The following PHF3 variants were observed in gnomAD, a reference collection of about 807,000 sequenced individuals.
PHF3 encodes PHD finger protein 3.
A neutral mutation model predicts 178.4 loss-of-function variants in PHF3; 41 were observed. The observed-to-expected ratio is 0.23, with a 90% CI of 0.18 to 0.30. The LOEUF is 0.30. Ranked by LOEUF, PHF3 falls within the 10% of genes least tolerant of loss-of-function variation. The pLI, the probability that PHF3 is intolerant of heterozygous loss-of-function variation, is 1.00. For missense variants in PHF3, 2,346 were observed against 2,398.1 expected (o/e 0.98, Z 0.45); for synonymous variants, 842 against 800.5 (o/e 1.05, Z -0.88).
intron 2 of PHF3, among the ~76,000 whole-genome samples, chr6:63,664,639 T>G (rs964418562): frequency 6.6e-6 from 1 of 152,134 alleles, no homozygotes; most frequent in African/African-American, 2.4e-5. Flanking sequence ...TTTCAAATTA[T>G]TAACTAAAAT....
chr6:63,687,734 G>C (rs1766778159), intron 4 of PHF3, among the ~76,000 whole-genome samples: 1 of 152,146 alleles, frequency 6.6e-6, no homozygotes, highest in Non-Finnish European at 1.5e-5. Context: ...GATGACTCAT[G>C]CTTCACCAAC....
At chr6:63,648,675 G>C (rs569966137) in intron 2 of PHF3, among the ~76,000 whole-genome samples, 84 of 152,014 alleles carry the variant, frequency 5.5e-4, no homozygotes, top group Admixed American at 9.2e-4. Context: ...TTTGAGATAC[G>C]ATTTATTATT....
chr6:63,703,394 A>C (rs1767558956), intron 10 of PHF3, 142 bp from the exon 11 acceptor site: 1 of 833,862 alleles, frequency 1.2e-6, no homozygotes, highest in Non-Finnish European at 1.8e-6. Context: ...AATAGTAAAA[A>C]AAAACCAAAA....
rs760538631 is a variant in PHF3, at chr6:63,724,178, A to T, written c.*10470A>T. Among the ~76,000 whole-genome samples, 4 of 152,164 alleles carry T rather than the reference A, an allele frequency of 2.6e-5. No individual in the cohort carries two copies. The highest frequency in any genetic ancestry group is 4.8e-5 in the African/African-American group (2 of 41,436). ...GAAACAGAGCTCAAATAGGATAAAGATCATAAATGAATTCACTTTGGCTAT... is the reference window on the plus strand; with the variant it reads ...GAAACAGAGCTCAAATAGGATAAAGTTCATAAATGAATTCACTTTGGCTAT... On this transcript the variant is annotated 3_prime_UTR_variant, in exon 16 of 16. Coordinates refer to ENST00000262043, the MANE Select transcript of PHF3 (RefSeq NM_001370348.2).
At chr6:63,679,546 A>G (rs1379161112) in intron 2 of PHF3, 2 of 171,708 alleles carry the variant, frequency 1.2e-5, no homozygotes, top group Non-Finnish European at 2.5e-5. Flanking sequence ...GCTTTCATAC[A>G]TGTAGCATAA....
intron 3 of PHF3, among the ~76,000 whole-genome samples, 157 bp downstream of exon 3, chr6:63,680,318 T>A (rs2149578206): frequency 6.6e-6 from 1 of 151,922 alleles, no homozygotes; most frequent in South Asian, 2.1e-4. Flanking sequence ...ATTTGTTGTA[T>A]AAGTTTTCAG....
chr6:63,720,567 T>G lies in PHF3; in HGVS notation c.*6859T>G. Reference sequence around the variant, plus strand: ...CTATCAAAATAACTGCATTTATGTATAGTGTGTACTAAAATCTCTAGTGTT... The same window carrying G: ...CTATCAAAATAACTGCATTTATGTAGAGTGTGTACTAAAATCTCTAGTGTT... On this transcript the variant is annotated 3_prime_UTR_variant, in exon 16 of 16. Coordinates refer to ENST00000262043, the MANE Select transcript of PHF3 (RefSeq NM_001370348.2). 2.8e-6 allele frequency: 4 copies of G among 1,411,170 alleles called. No homozygotes were observed. Among genetic ancestry groups the G allele is most frequent in the Non-Finnish European group, 3.8e-6 (4 of 1,061,796 alleles). The allele number at this position is 1,411,170 out of a possible 1,614,324, so 87.4% of individuals were successfully genotyped here. A position where few individuals can be genotyped will look rare whatever the true frequency, so the allele number is the denominator to read the frequency against.
intron 2 of PHF3, among the ~76,000 whole-genome samples, chr6:63,659,191 T>A (rs184732256): frequency 6.6e-6 from 1 of 152,194 alleles, no homozygotes; most frequent in Non-Finnish European, 1.5e-5. Context: ...TTAATTAATT[T>A]GATTTAGCCA....
rs1237741183 is a variant in PHF3 at position 63,722,855 on chromosome 6, C to A, written c.*9147C>A. Among the ~76,000 whole-genome samples, 1 of 152,192 alleles carries A rather than the reference C, an allele frequency of 6.6e-6. No homozygotes were observed. Among genetic ancestry groups the A allele is most frequent in the Non-Finnish European group, 1.5e-5 (1 of 68,028 alleles). ...TGGAATGTTTGGCAGCTCTATAGTT[C>A]TTCACCTATCAAACTACGTTCTCTA... On this transcript the variant is annotated 3_prime_UTR_variant, in exon 16 of 16. Transcript: ENST00000262043.
rs1055302568 is a variant in PHF3 at position 63,724,812 on chromosome 6, T to A, written c.*11104T>A. On this transcript the variant is annotated 3_prime_UTR_variant, in exon 16 of 16. Transcript: ENST00000262043. ...GGTTTTCAATATGTGAAAACCACAT[T>A]GGCTGCTTTTATTAAAATTTTTGGA... Among the ~76,000 whole-genome samples, 1 of 152,140 alleles carries A rather than the reference T, an allele frequency of 6.6e-6. No homozygotes were observed. Among genetic ancestry groups the A allele is most frequent in the African/African-American group, 2.4e-5 (1 of 41,448 alleles).
intron 4 of PHF3, among the ~76,000 whole-genome samples, chr6:63,688,710 C>A (rs188341548): frequency 6.6e-6 from 1 of 152,220 alleles, no homozygotes; most frequent in Admixed American, 6.5e-5. Context: ...TGCTTGTATA[C>A]ATTTCGTTTA....
rs149131563 is a variant in PHF3, at chr6:63,681,574, T to C, written c.406+1413T>C. Among the ~76,000 whole-genome samples the C allele has an allele frequency of 3.7e-3, 556 of 152,194 alleles. 3 individuals are homozygous for C. The highest frequency in any genetic ancestry group is 6.8e-3 in the Middle Eastern group (2 of 294). ...ACTTTTCAGTCAAGTTTTGTACTTCTGATTCTTAAATGTTCTTTTTGTTGT... is the reference window on the plus strand; with the variant it reads ...ACTTTTCAGTCAAGTTTTGTACTTCCGATTCTTAAATGTTCTTTTTGTTGT... On this transcript the variant is annotated intron_variant, in intron 3 of 15. Coordinates refer to ENST00000262043, the MANE Select transcript of PHF3 (RefSeq NM_001370348.2).
intron 2 of PHF3, among the ~76,000 whole-genome samples, chr6:63,654,294 A>G (rs1335709902): frequency 6.6e-6 from 1 of 152,220 alleles, no homozygotes; most frequent in African/African-American, 2.4e-5. Context: ...ATGGTTGAAC[A>G]TGAAAAATAC....
chr6:63,645,804 A>G (rs560629939), intron 1 of PHF3, among the ~76,000 whole-genome samples: 41 of 152,330 alleles, frequency 2.7e-4, no homozygotes, highest in African/African-American at 8.9e-4. Context: ...TAGACCACAC[A>G]TAACTAAAAT....
In PHF3 at chr6:63,700,373, A is replaced by G. The variant is rs750045172; in HGVS notation, c.3006A>G (p.Lys1002=). The G allele has an allele frequency of 6.4e-7, 1 of 1,573,376 alleles. No individual in the cohort carries two copies. The highest frequency in any genetic ancestry group is 8.7e-7 in the Non-Finnish European group (1 of 1,149,566). The part of the protein sequence containing the change: ...KNNILFKKVL[K]GEVTPDHLIR... Reference sequence around the variant, plus strand: ...AGATATTATTTAAAAAAGTACTGAAAGGAGAAGTAACTCCTGATCATCTTA... The same window carrying G: ...AGATATTATTTAAAAAAGTACTGAAGGGAGAAGTAACTCCTGATCATCTTA... The change falls in exon 9 of 16, where the codon AAA becomes AAG. Residue 1002 remains lysine (K), a synonymous_variant. Coordinates refer to ENST00000262043, the MANE Select transcript of PHF3 (RefSeq NM_001370348.2).
Position 63,713,227 on chromosome 6 carries a change from G to C in PHF3, c.5639G>C (p.Gly1880Ala). The change falls in exon 16 of 16, where the codon GGC (glycine) becomes GCC (alanine). Residue 1880 changes from glycine to alanine, a missense_variant. Gly to Ala is a moderately conservative substitution (Grantham distance 60). Around this residue, in one of 8 missense-constraint regions of PHF3, gnomAD observed 839 missense variants for 806.9 expected, o/e 1.04. Coordinates refer to ENST00000262043, the MANE Select transcript of PHF3 (RefSeq NM_001370348.2). ...CTCTCACAAGCATCAAGGTATATAG[G>C]CCCGCAGAATTTTTACCAGGTTAAA... Reference protein sequence around the residue: ...GPLSQASRYIGPQNFYQVKDI... With the variant: ...GPLSQASRYIAPQNFYQVKDI... The C allele has an allele frequency of 6.2e-7, 1 of 1,613,972 alleles. No homozygotes were observed. The highest frequency in any genetic ancestry group is 8.5e-7 in the Non-Finnish European group (1 of 1,179,966).
chr6:63,711,853 C>A lies in PHF3; in HGVS notation c.4265C>A (p.Pro1422Gln). ...CAGCAGAATCTTCAGGAAGACCTTC[C>A]AACAGCAGTTGAACCTTTAATGGAA... Reference protein sequence around the residue: ...KPQQNLQEDLPTAVEPLMEVT... With the variant: ...KPQQNLQEDLQTAVEPLMEVT... The change falls in exon 16 of 16, where the codon CCA (proline) becomes CAA (glutamine). Residue 1422 changes from proline (P) to glutamine (Q), a missense_variant. Pro to Gln is a moderately conservative substitution (Grantham distance 76). Transcript: ENST00000262043. 6.2e-7 allele frequency: 1 copy of A among 1,613,992 alleles called. No homozygotes were observed.
chr6:63,691,984 A>C lies in PHF3; in HGVS notation c.2437A>C (p.Asn813His). The stretch of plus-strand genomic sequence containing the variant: ...GCTTGGATTATCAAAACACACAACA[A>C]ATGATAGAACCAAATATATAGATGA... ...EKLGLSKHTT[N>H]DRTKYIDDTV... Residue 813 changes from asparagine to histidine, a missense_variant, in exon 5 of 16, where the codon AAT becomes CAT. Around this residue, in one of 8 missense-constraint regions of PHF3, gnomAD observed 252 missense variants for 232.0 expected, o/e 1.09. Coordinates refer to ENST00000262043, the MANE Select transcript of PHF3 (RefSeq NM_001370348.2). 2 of 1,613,724 alleles carry C rather than the reference A, an allele frequency of 1.2e-6. No homozygotes were observed. Among genetic ancestry groups the C allele is most frequent in the Non-Finnish European group, 1.7e-6 (2 of 1,179,840 alleles).
intron 2 of PHF3, among the ~76,000 whole-genome samples, chr6:63,665,281 A>G (rs1765631601): frequency 6.6e-6 from 1 of 152,088 alleles, no homozygotes; most frequent in Non-Finnish European, 1.5e-5. Flanking sequence ...TATCACATCT[A>G]CTTAGAAAAG....
Sources: gnomAD v4.1 joint callset for allele counts (sites outside exome capture counted in the v4.1 genomes callset) on GRCh38, gnomAD v4.1.1 for gene constraint, gnomAD v4.1.1 regional missense constraint, MANE v1.5 for transcripts, NCBI Gene and HGNC (gene_info 2026-07-23, HGNC 2026-07-21) for gene names.